The following ATP1A3 variants were observed in gnomAD, a reference collection of about 807,000 sequenced individuals.
ATP1A3 encodes the protein ATPase Na+/K+ transporting subunit alpha 3, also known as sodium/potassium-transporting ATPase subunit alpha-3.
ATP1A3 carries 12 observed loss-of-function variants against 108.8 expected under a neutral mutation model. That is an observed-to-expected ratio of 0.11 (90% CI 0.07 to 0.18). The LOEUF (loss-of-function observed/expected upper bound fraction) is 0.18, where lower values mean the gene tolerates loss of function less well. Among genes scored for constraint, ATP1A3 ranks in the 10% least tolerant of loss-of-function variants. The probability of loss-of-function intolerance (pLI) is 1.00; values close to 1 mark genes in which losing one functional copy is unlikely to be tolerated. For missense variants in ATP1A3, 498 were observed against 1,387.7 expected, an observed-to-expected ratio of 0.36 and a Z score of 10.19; for synonymous variants, 539 against 564.5, an observed-to-expected ratio of 0.95 and a Z score of 0.64.
intron 1 of ATP1A3, chr19:41,993,515 A>G: frequency 1.8e-6 from 2 of 1,091,800 alleles, no homozygotes; most frequent in African/African-American, 3.2e-5. Flanking sequence ...ACACACACAC[A>G]CACACACACA....
At position 41,978,511 on chromosome 19, in the gene ATP1A3, T is replaced by C; in HGVS notation, c.1630+95A>G. The C allele has an allele frequency of 1.3e-6, 2 of 1,548,050 alleles. No homozygotes were observed. Among genetic ancestry groups the C allele is most frequent in the Non-Finnish European group, 1.8e-6 (2 of 1,132,168 alleles). ...TTCATTCATTCATTCATTTACAGTATATTCTGGGAGGCCCTGGGCTGAGAC... is the reference window on the plus strand; with the variant it reads ...TTCATTCATTCATTCATTTACAGTACATTCTGGGAGGCCCTGGGCTGAGAC... On this transcript the variant is annotated intron_variant, in intron 12 of 22. Coordinates refer to ENST00000648268, the MANE Select transcript of ATP1A3 (RefSeq NM_152296.5). This position sits in a 1 kb window ranked among gnomAD's most constrained non-coding sequence, Gnocchi z 8.3.
chr19:41,969,496 A>C lies in ATP1A3; in HGVS notation c.2627T>G (p.Ile876Ser). The C allele has an allele frequency of 6.2e-7, 1 of 1,614,012 alleles. No individual in the cohort carries two copies. The highest frequency in any genetic ancestry group is 8.5e-7 in the Non-Finnish European group (1 of 1,179,990). ...NGFLPGNLVG[I>S]RLNWDDRTVN... ...GGTGCGGTCATCCCAGTTCAGCCGG[A>C]TGCCCACCAGGTTGCCGGGCAAGAA... is the stretch of plus-strand genomic sequence containing the variant. The change falls in exon 19 of 23, where the codon ATC becomes AGC. Residue 876 changes from isoleucine (I) to serine (S), a missense_variant. Physicochemically the swap from Ile to Ser is moderately radical, Grantham distance 142. Around this residue, in one of 9 missense-constraint regions of ATP1A3, gnomAD observed 121 missense variants for 425.1 expected, o/e 0.28. Transcript: ENST00000648268.
chr19:41,977,289 C>T (rs2075181821), intron 14 of ATP1A3, among the ~76,000 whole-genome samples: 1 of 152,086 alleles, frequency 6.6e-6, no homozygotes, highest in Non-Finnish European at 1.5e-5. Context: ...CTACTGAATC[C>T]TCTGAGATAG....
At chr19:41,975,086 C>G (rs1170156669) in intron 16 of ATP1A3, among the ~76,000 whole-genome samples, 1 of 151,802 alleles carries the variant, frequency 6.6e-6, no homozygotes, top group Non-Finnish European at 1.5e-5. Context: ...GAGTCTCGCT[C>G]TGTCCCCCAG....
chr19:41,969,414 A>G (rs781880737), intron 19 of ATP1A3, 21 bp downstream of exon 19: 6 of 1,614,090 alleles, frequency 3.7e-6, no homozygotes, highest in African/African-American at 1.3e-5. Flanking sequence ...GGGCAGAGAC[A>G]CAGCACCCTG....
In ATP1A3 at chr19:41,967,579, G is replaced by T; in HGVS notation, c.2921+83C>A. ...GCAGTGGGGACACCAGGGGAGGTGG[G>T]GCCTGAGGTTCAGGCTGAGTCTAAG... On this transcript the variant is annotated intron_variant, in intron 21 of 22. Transcript: ENST00000648268. This position sits in a 1 kb window ranked among gnomAD's most constrained non-coding sequence, Gnocchi z 4.2. 2 of 1,430,364 alleles carry T rather than the reference G, an allele frequency of 1.4e-6. No homozygotes were observed. Among genetic ancestry groups the T allele is most frequent in the Non-Finnish European group, 1.9e-6 (2 of 1,029,754 alleles). The allele number at this position is 1,430,364 out of a possible 1,614,324, so 88.6% of individuals were successfully genotyped here.
In ATP1A3 at chr19:41,975,609, G is replaced by A. The variant is rs782030682; in HGVS notation, c.2263+20C>T. The A allele has an allele frequency of 1.2e-6, 2 of 1,613,632 alleles. No individual in the cohort carries two copies. Among genetic ancestry groups the A allele is most frequent in the South Asian group, 1.1e-5 (1 of 91,054 alleles). On this transcript the variant is annotated intron_variant, in intron 16 of 22. Coordinates refer to ENST00000648268, the MANE Select transcript of ATP1A3 (RefSeq NM_152296.5). ...TCCGGTAGTGACCCTGGTCTCCAGG[G>A]CCACCCCTGGCCAACTCACCCTCCT...
Position 41,967,822 on chromosome 19 carries a change from C to A in ATP1A3, c.2820-59G>T. ...GAGCACCCACCCTGCACCTGCCACC[C>A]CGCAGAGACAGGGGGAGGCACAGTG... On this transcript the variant is annotated intron_variant, in intron 20 of 22. Transcript: ENST00000648268. This position sits in a 1 kb window ranked among gnomAD's most constrained non-coding sequence, Gnocchi z 4.2. 2 of 1,502,290 alleles carry A rather than the reference C, an allele frequency of 1.3e-6. No individual in the cohort carries two copies. Among genetic ancestry groups the A allele is most frequent in the South Asian group, 2.3e-5 (2 of 86,884 alleles). The allele number at this position is 1,502,290 out of a possible 1,614,324, so 93.1% of individuals were successfully genotyped here.
In ATP1A3 at chr19:41,988,573, G is replaced by A; in HGVS notation, c.7-11C>T. 1 of 1,614,128 alleles carries A rather than the reference G, an allele frequency of 6.2e-7. No individual in the cohort carries two copies. The highest frequency in any genetic ancestry group is 8.5e-7 in the Non-Finnish European group (1 of 1,180,042). ...GTCATCTTTCTTGTCCTGCGAGGTG[G>A]CGATACGATAGCTGTCAGAGCCACC... On this transcript the variant is annotated splice_polypyrimidine_tract_variant and intron_variant, in intron 1 of 22. Transcript: ENST00000648268. This position sits in a 1 kb window ranked among gnomAD's most constrained non-coding sequence, Gnocchi z 5.3.
In ATP1A3 at chr19:41,976,748, C is replaced by T. The variant is rs1448831171; in HGVS notation, c.1944-182G>A. Among the ~76,000 whole-genome samples, 7 of 152,016 alleles carry T rather than the reference C, an allele frequency of 4.6e-5. No homozygotes were observed. The East Asian group carries it at 5.8e-4, about 13-fold the overall frequency. ...AAGGGGGCTACTGCAGCAGGGCGTG[C>T]GGGCAGACCTGAGGAAGGACTTTGG... On this transcript the variant is annotated intron_variant, in intron 14 of 22. Coordinates refer to ENST00000648268, the MANE Select transcript of ATP1A3 (RefSeq NM_152296.5).
At chr19:41,980,642 T>C (rs2075221161) in intron 11 of ATP1A3, among the ~76,000 whole-genome samples, 1 of 151,920 alleles carries the variant, frequency 6.6e-6, no homozygotes, top group Admixed American at 6.6e-5. Context: ...CCGGGCGCGG[T>C]GGCTCATGCC....
rs1555860779 is a variant in ATP1A3 at position 41,975,615 on chromosome 19, C to T, written c.2263+14G>A. The T allele has an allele frequency of 6.2e-7, 1 of 1,613,866 alleles. No homozygotes were observed. The highest frequency in any genetic ancestry group is 1.7e-5 in the Admixed American group (1 of 60,020). Reference sequence around the variant, plus strand: ...AGTGACCCTGGTCTCCAGGGCCACCCCTGGCCAACTCACCCTCCTCCACCC... The same window carrying T: ...AGTGACCCTGGTCTCCAGGGCCACCTCTGGCCAACTCACCCTCCTCCACCC... On this transcript the variant is annotated intron_variant, in intron 16 of 22. Transcript: ENST00000648268.
chr19:41,987,134 A>G (rs1599724796), intron 4 of ATP1A3, among the ~76,000 whole-genome samples: 2 of 152,070 alleles, frequency 1.3e-5, no homozygotes. Flanking sequence ...GACTGGCTGC[A>G]TGCCTGACTT....
At position 41,981,893 on chromosome 19, in the gene ATP1A3, G is replaced by C. The variant is rs782209602; in HGVS notation, c.1192+15C>G. On this transcript the variant is annotated intron_variant, in intron 9 of 22. Transcript: ENST00000648268. This position sits in a 1 kb window ranked among gnomAD's most constrained non-coding sequence, Gnocchi z 5.0. Reference sequence around the variant, plus strand: ...AGCCAGGCCCCCATGGTCCTCACCCGGGGCCTGCGCTCACCTGACTGGTCC... The same window carrying C: ...AGCCAGGCCCCCATGGTCCTCACCCCGGGCCTGCGCTCACCTGACTGGTCC... 6.2e-7 allele frequency: 1 copy of C among 1,614,200 alleles called. No individual in the cohort carries two copies. Among genetic ancestry groups the C allele is most frequent in the Non-Finnish European group, 8.5e-7 (1 of 1,180,038 alleles).
At position 41,966,613 on chromosome 19, in the gene ATP1A3, G is replaced by A; in HGVS notation, c.*324C>T. 2 of 1,452,908 alleles carry A rather than the reference G, an allele frequency of 1.4e-6. No homozygotes were observed. Among genetic ancestry groups the A allele is most frequent in the Non-Finnish European group, 1.8e-6 (2 of 1,084,778 alleles). The allele number at this position is 1,452,908 out of a possible 1,614,324, so 90.0% of individuals were successfully genotyped here. A position where few individuals can be genotyped will look rare whatever the true frequency, so the allele number is the denominator to read the frequency against. ...CTCCCCACTGATATATTTGATAATT[G>A]TCCAGAACCAGAGATGGCATCAGCC... On this transcript the variant is annotated 3_prime_UTR_variant, in exon 23 of 23. Transcript: ENST00000648268.
chr19:41,984,103 T>A (rs1396316388), intron 8 of ATP1A3, among the ~76,000 whole-genome samples: 1 of 152,084 alleles, frequency 6.6e-6, no homozygotes, highest in African/African-American at 2.4e-5. Context: ...GATGGGTTCT[T>A]ACTATGTTGT....
Position 41,968,901 on chromosome 19 carries a change from C to T in ATP1A3, c.2703G>A (p.Arg901=), listed in dbSNP as rs1347375704. Residue 901 remains arginine (R), a synonymous_variant, in exon 20 of 23, where the codon AGG becomes AGA. Coordinates refer to ENST00000648268, the MANE Select transcript of ATP1A3 (RefSeq NM_152296.5). This position sits in a 1 kb window ranked among gnomAD's most constrained non-coding sequence, Gnocchi z 5.0. The stretch of plus-strand genomic sequence containing the variant: ...TGTGGCAGGTGAACTCCACCACCTT[C>T]CTCTGCTCGTATGTCTGCAGGAGCG... ...SYGQQWTYEQ[R]KVVEFTCHTA... The T allele has an allele frequency of 1.9e-6, 3 of 1,613,992 alleles. No individual in the cohort carries two copies. In the African/African-American group the frequency reaches 4.0e-5, roughly 22 times the overall value.
At chr19:41,991,192 C>T (rs1240561235) in intron 1 of ATP1A3, among the ~76,000 whole-genome samples, 4 of 152,288 alleles carry the variant, frequency 2.6e-5, no homozygotes, top group Non-Finnish European at 5.9e-5. Flanking sequence ...CAGGGCCAAG[C>T]TGGGATCGGA....
At chr19:41,970,154 T>C (rs1458169653) in intron 18 of ATP1A3, 31 bp downstream of exon 18, 1 of 1,614,010 alleles carries the variant, frequency 6.2e-7, no homozygotes, top group Non-Finnish European at 8.5e-7. Context: ...CGGCACTGGG[T>C]GGTAAGGAGA....
Sources: gnomAD v4.1 joint callset for allele counts (sites outside exome capture counted in the v4.1 genomes callset) on GRCh38, gnomAD v4.1.1 for gene constraint, gnomAD v4.1.1 regional missense constraint, Gnocchi (gnomAD v3.1) non-coding constraint, MANE v1.5 for transcripts, NCBI Gene and HGNC (gene_info 2026-07-23, HGNC 2026-07-21) for gene names.